Variants in KCNH8 observed in about 807,000 individuals in gnomAD.
KCNH8 encodes potassium voltage-gated channel subfamily H member 8.
Under a neutral mutation model 103.6 loss-of-function variants are expected in KCNH8, and 70 were observed. The ratio of observed to expected loss-of-function variants is 0.68; its 90% confidence interval spans 0.56 to 0.82. KCNH8 has a LOEUF of 0.82. Ranked by LOEUF, KCNH8 falls within the 40% of genes least tolerant of loss-of-function variation. The pLI, the probability that KCNH8 is intolerant of heterozygous loss-of-function variation, is 0.00. For missense variants in KCNH8, 1,217 were observed against 1,329.9 expected (o/e 0.92, Z 1.32); for synonymous variants, 498 against 489.4 (o/e 1.02, Z -0.23).
intron 1 of KCNH8, among the ~76,000 whole-genome samples, chr3:19,204,222 C>T (rs2063690711): frequency 1.3e-5 from 2 of 152,056 alleles, no homozygotes; most frequent in Non-Finnish European, 2.9e-5. Context: ...CTGTCTCTGT[C>T]TTTCCTCTGT....
At chr3:19,277,218 G>A (rs559176482) in intron 2 of KCNH8, among the ~76,000 whole-genome samples, 82 of 152,098 alleles carry the variant, frequency 5.4e-4, no homozygotes, top group African/African-American at 1.8e-3. Context: ...GGGGGATGAA[G>A]GGAAAAATAT....
chr3:19,441,779 T>A (rs1193228334), intron 8 of KCNH8, among the ~76,000 whole-genome samples: 2 of 152,188 alleles, frequency 1.3e-5, no homozygotes, highest in Non-Finnish European at 2.9e-5. Context: ...TCACTTTGAG[T>A]TTTGAACCTT....
chr3:19,264,175 T>A (rs560170694), intron 2 of KCNH8, among the ~76,000 whole-genome samples: 1 of 152,220 alleles, frequency 6.6e-6, no homozygotes, highest in African/African-American at 2.4e-5. Context: ...GTCTTTTGCA[T>A]TCAAGAGGTG....
intron 5 of KCNH8, among the ~76,000 whole-genome samples, chr3:19,369,377 T>G (rs985053208): frequency 6.6e-6 from 1 of 151,870 alleles, no homozygotes; most frequent in African/African-American, 2.4e-5. Context: ...GCTGGATGTT[T>G]CTACTCAGTC....
chr3:19,158,162 C>T (rs2125183767), intron 1 of KCNH8, among the ~76,000 whole-genome samples: 1 of 151,498 alleles, frequency 6.6e-6, no homozygotes, highest in South Asian at 2.1e-4. Context: ...AAATTCCTAT[C>T]CTAAGAGTTT....
At position 19,201,989 on chromosome 3, in the gene KCNH8, G is replaced by A. The variant is rs118038654; in HGVS notation, c.77-51665G>A. On this transcript the variant is annotated intron_variant, in intron 1 of 15. Coordinates refer to ENST00000328405, the MANE Select transcript of KCNH8 (RefSeq NM_144633.3). Reference sequence around the variant, plus strand: ...AATAACACTAAGAAGTAAAACTTAAGGTCAATTGATTGAGTTTGGCAGATT... The same window carrying A: ...AATAACACTAAGAAGTAAAACTTAAAGTCAATTGATTGAGTTTGGCAGATT... Among the ~76,000 whole-genome samples the A allele has an allele frequency of 6.8e-4, 103 of 152,186 alleles. No homozygotes were observed. In the East Asian group the frequency reaches 0.019, roughly 27 times the overall value.
In KCNH8 at chr3:19,484,685, C is replaced by T. The variant is rs181899298; in HGVS notation, c.2041-25678C>T. 2.9e-3 allele frequency among the ~76,000 whole-genome samples: 439 copies of T among 151,322 alleles called. 2 individuals are homozygous for T. The highest frequency in any genetic ancestry group is 0.011 in the South Asian group (51 of 4,818). Reference sequence around the variant, plus strand: ...GGATGATGGTTTGAGGTCCTTTCCACGGTGGCTGTAAAGGGGCTACGTTCC... The same window carrying T: ...GGATGATGGTTTGAGGTCCTTTCCATGGTGGCTGTAAAGGGGCTACGTTCC... On this transcript the variant is annotated intron_variant, in intron 11 of 15. Transcript: ENST00000328405.
chr3:19,364,761 T>G (rs770914118), intron 5 of KCNH8, among the ~76,000 whole-genome samples: 3 of 152,106 alleles, frequency 2.0e-5, no homozygotes, highest in Non-Finnish European at 2.9e-5. Context: ...ATTAGGTGAC[T>G]TTAAAGTACC....
At chr3:19,393,109 G>A (rs1318322992) in intron 6 of KCNH8, among the ~76,000 whole-genome samples, 2 of 151,834 alleles carry the variant, frequency 1.3e-5, no homozygotes, top group Non-Finnish European at 2.9e-5. Context: ...TTTATAGGGG[G>A]GTTTGATGAA....
chr3:19,294,411 G>T (rs183594752), intron 3 of KCNH8, among the ~76,000 whole-genome samples: 206 of 151,984 alleles, frequency 1.4e-3, no homozygotes, highest in African/African-American at 4.5e-3. Context: ...TTGCATAATG[G>T]AAAAAAACAC....
At chr3:19,213,611 T>C (rs1456466682) in intron 1 of KCNH8, among the ~76,000 whole-genome samples, 3 of 152,216 alleles carry the variant, frequency 2.0e-5, no homozygotes, top group Non-Finnish European at 4.4e-5. Context: ...CCAGTAGTCA[T>C]CTTGATATGT....
chr3:19,510,843 G>T (rs570284981), intron 12 of KCNH8, among the ~76,000 whole-genome samples: 11 of 151,966 alleles, frequency 7.2e-5, no homozygotes, highest in African/African-American at 2.4e-4. Context: ...AAAGTTTCCC[G>T]AAAAAACTAA....
At chr3:19,478,815 C>T (rs1259280706) in intron 11 of KCNH8, among the ~76,000 whole-genome samples, 2 of 151,954 alleles carry the variant, frequency 1.3e-5, no homozygotes, top group East Asian at 3.9e-4. Context: ...GTCATGTGCC[C>T]AGTATGCCTT....
chr3:19,400,600 C>T (rs2066598465), intron 7 of KCNH8, among the ~76,000 whole-genome samples: 1 of 151,818 alleles, frequency 6.6e-6, no homozygotes, highest in Non-Finnish European at 1.5e-5. Flanking sequence ...TTGCAGATGC[C>T]TAAAAGTGTA....
At chr3:19,281,003 C>A (rs796585735) in intron 2 of KCNH8, among the ~76,000 whole-genome samples, 195 bp from the exon 3 acceptor site, 1 of 151,980 alleles carries the variant, frequency 6.6e-6, no homozygotes, top group Non-Finnish European at 1.5e-5. Flanking sequence ...TCAGAAAAAG[C>A]ATTTCCTTTG....
intron 3 of KCNH8, among the ~76,000 whole-genome samples, chr3:19,324,476 C>T (rs2125305771): frequency 6.6e-6 from 1 of 152,266 alleles, no homozygotes; most frequent in South Asian, 2.1e-4. Context: ...GATTCAGCCA[C>T]CTTCCACCAG....
chr3:19,180,264 TCAAAGGGCCAAGACAGAC>T (rs2063438655), intron 1 of KCNH8, among the ~76,000 whole-genome samples: 1 of 147,634 alleles, frequency 6.8e-6, no homozygotes, highest in African/African-American at 2.6e-5. Flanking sequence ...ACTTGGCCCT[TCAAAGGGCCAAGACAGAC>T]TTGGCCCTTC....
At chr3:19,275,208 T>C (rs968490032) in intron 2 of KCNH8, among the ~76,000 whole-genome samples, 1 of 152,084 alleles carries the variant, frequency 6.6e-6, no homozygotes, top group South Asian at 2.1e-4. Flanking sequence ...GTGGATTTTA[T>C]GTTTATTCTG....
chr3:19,487,901 G>C (rs1166037330), intron 11 of KCNH8, among the ~76,000 whole-genome samples: 3 of 152,190 alleles, frequency 2.0e-5, no homozygotes, highest in Non-Finnish European at 4.4e-5. Flanking sequence ...TAGACAGAAA[G>C]CCTGCTTAGT....
Sources: allele counts gnomAD v4.1 joint callset (sites outside exome capture counted in the v4.1 genomes callset), GRCh38; gene constraint gnomAD v4.1.1; transcripts MANE v1.5; gene names NCBI Gene and HGNC (gene_info 2026-07-23, HGNC 2026-07-21).